Variants in ARHGEF18 observed in about 807,000 individuals in gnomAD.
ARHGEF18 encodes the protein rho guanine nucleotide exchange factor 18.
ARHGEF18 carries 93 observed loss-of-function variants against 155.7 expected under a neutral mutation model. That is an observed-to-expected ratio of 0.60 (90% confidence interval 0.50 to 0.71). The LOEUF (loss-of-function observed/expected upper bound fraction) is 0.71, where lower values mean the gene tolerates loss of function less well. Among genes scored for constraint, ARHGEF18 ranks in the 30% least tolerant of loss-of-function variants. The pLI is 0.00. For synonymous variants in ARHGEF18, 742 were observed against 753.1 expected, an observed-to-expected ratio of 0.99 and a Z score of 0.24; for missense variants, 1,593 against 1,816.1, an observed-to-expected ratio of 0.88 and a Z score of 2.23.
At chr19:7,456,458 T>C in intron 18 of ARHGEF18, 55 bp downstream of exon 18, 1 of 1,536,014 alleles carries the variant, frequency 6.5e-7, no homozygotes, top group South Asian at 1.1e-5. Flanking sequence ...GGCTCACGTC[T>C]ATAATCCCAG....
At chr19:7,394,902 C>T (rs958997148) in intron 10 of ARHGEF18, 10 of 239,060 alleles carry the variant, frequency 4.2e-5, no homozygotes, top group Non-Finnish European at 6.8e-5. Flanking sequence ...CCCGCTGACC[C>T]GCCCCTCAAA....
chr19:7,430,809 T>C (rs1226353527), intron 10 of ARHGEF18, among the ~76,000 whole-genome samples: 2 of 151,648 alleles, frequency 1.3e-5, no homozygotes, highest in Non-Finnish European at 2.9e-5. Flanking sequence ...TCTCTTCAAA[T>C]AAATAAGTAA....
chr19:7,443,421 G>A lies in ARHGEF18; in HGVS notation c.1361-783G>A, dbSNP rs151336216. Among the ~76,000 whole-genome samples the A allele has an allele frequency of 9.8e-3, 1,488 of 152,026 alleles. 24 individuals carry two copies. The highest frequency in any genetic ancestry group is 0.029 in the African/African-American group (1,193 of 41,450). On this transcript the variant is annotated intron_variant, in intron 13 of 28. Coordinates refer to ENST00000668164, the MANE Select transcript of ARHGEF18 (RefSeq NM_001367823.1). ...TCGCTGTGTTGGCTAGGCTAGTCTC[G>A]AACTCCTGACCTCATGTGATCTGCT... is the stretch of plus-strand genomic sequence containing the variant.
intron 3 of ARHGEF18, among the ~76,000 whole-genome samples, chr19:7,374,124 T>G (rs2145408307): frequency 6.6e-6 from 1 of 152,190 alleles, no homozygotes; most frequent in East Asian, 1.9e-4. Context: ...GGCAGTCATG[T>G]GAGCAATGGG....
At chr19:7,443,746 A>G (rs188492511) in intron 13 of ARHGEF18, among the ~76,000 whole-genome samples, 21 of 152,146 alleles carry the variant, frequency 1.4e-4, no homozygotes, top group Admixed American at 1.2e-3. Flanking sequence ...TCTTCCTAAA[A>G]CAGACTTGAT....
At chr19:7,378,583 T>C (rs1171178725) in intron 6 of ARHGEF18, 132 bp downstream of exon 6, 1 of 619,496 alleles carries the variant, frequency 1.6e-6, no homozygotes, top group East Asian at 3.8e-5. Flanking sequence ...ATCCCACTAG[T>C]CCCCCCATAA....
chr19:7,435,530 G>A (rs1025386222), intron 10 of ARHGEF18, among the ~76,000 whole-genome samples: 2 of 152,018 alleles, frequency 1.3e-5, no homozygotes, highest in Non-Finnish European at 2.9e-5. Flanking sequence ...ATGGGGCCCC[G>A]AGGTGATGAG....
rs1463883152 is a variant in ARHGEF18, at chr19:7,393,791, T to C, written c.967+10588T>C. On this transcript the variant is annotated intron_variant, in intron 10 of 28. Transcript: ENST00000668164. ...GTTTGAGGGTATCTGACAGCATCTG[T>C]ATTGGGGTTATCTAGTATGTGTTTG... Among the ~76,000 whole-genome samples the C allele has an allele frequency of 4.7e-5, 7 of 148,022 alleles. No homozygotes were observed. In the Admixed American group the frequency reaches 4.8e-4, roughly 10 times the overall value.
chr19:7,373,328 A>T (rs1970283123), intron 3 of ARHGEF18, among the ~76,000 whole-genome samples: 2 of 152,300 alleles, frequency 1.3e-5, no homozygotes, highest in African/African-American at 4.8e-5. Flanking sequence ...ACATAATGAA[A>T]TAATTATACA....
intron 3 of ARHGEF18, among the ~76,000 whole-genome samples, chr19:7,374,665 G>A (rs551656485): frequency 4.1e-5 from 6 of 147,068 alleles, no homozygotes; most frequent in African/African-American, 1.1e-4. Context: ...GCGACAGAGC[G>A]AGACTCTGTC....
At chr19:7,407,359 G>A (rs554648655) in intron 10 of ARHGEF18, among the ~76,000 whole-genome samples, 1 of 151,926 alleles carries the variant, frequency 6.6e-6, no homozygotes, top group Non-Finnish European at 1.5e-5. Flanking sequence ...CCAAGAGGTG[G>A]GGGTTGAAGC....
At chr19:7,427,428 C>T (rs566691559) in intron 10 of ARHGEF18, among the ~76,000 whole-genome samples, 18 of 151,694 alleles carry the variant, frequency 1.2e-4, no homozygotes, top group African/African-American at 4.1e-4. Flanking sequence ...ATTGCCTGAG[C>T]GCAGGAAGGA....
In ARHGEF18 at chr19:7,439,981, C is replaced by G. The variant is rs1164493356; in HGVS notation, c.968-363C>G. 1.9e-6 allele frequency: 3 copies of G among 1,546,126 alleles called. No individual in the cohort carries two copies. Among genetic ancestry groups the G allele is most frequent in the Non-Finnish European group, 8.7e-7 (1 of 1,144,196 alleles). On this transcript the variant is annotated intron_variant, in intron 10 of 28. Transcript: ENST00000668164. ...ACCAATATCCTGCCCTCCAGACCCGCTGCTTCAGCCAATACAGCAAGGGAA... is the reference window on the plus strand; with the variant it reads ...ACCAATATCCTGCCCTCCAGACCCGGTGCTTCAGCCAATACAGCAAGGGAA...
chr19:7,439,653 G>A lies in ARHGEF18; in HGVS notation c.968-691G>A. 5 of 1,162,214 alleles carry A rather than the reference G, an allele frequency of 4.3e-6. No homozygotes were observed. The South Asian group carries it at 8.7e-5, about 20-fold the overall frequency. 72.0% of individuals were successfully genotyped at this position (1,162,214 alleles called of 1,614,324 possible). ...GAGCCTCGCGTCCACTTCGATGCTA[G>A]AATTCTGTTCGAGTGCTGATGACCA... On this transcript the variant is annotated intron_variant, in intron 10 of 28. Coordinates refer to ENST00000668164, the MANE Select transcript of ARHGEF18 (RefSeq NM_001367823.1).
chr19:7,410,381 AAT>A (rs368691974), intron 10 of ARHGEF18, among the ~76,000 whole-genome samples: 3 of 150,318 alleles, frequency 2.0e-5, no homozygotes, highest in Non-Finnish European at 1.5e-5. Flanking sequence ...GTTGGCTTGA[AAT>A]ATATATATAT....
In ARHGEF18 at chr19:7,450,901, C is replaced by G. The variant is rs974607876; in HGVS notation, c.1738-248C>G. On this transcript the variant is annotated intron_variant, in intron 15 of 28. Transcript: ENST00000668164. ...GATGTTAATGCGGGGTCTTGCTGTA[C>G]CTTTCTGAGATGTTAATGCAGGATC... Among the ~76,000 whole-genome samples the G allele has an allele frequency of 2.4e-3, 34 of 14,230 alleles. 1 individual carries two copies. Among genetic ancestry groups the G allele is most frequent in the Non-Finnish European group, 4.7e-3 (33 of 7,024 alleles). 9.3% of individuals were successfully genotyped at this position (14,230 alleles called of 152,430 possible).
intron 10 of ARHGEF18, among the ~76,000 whole-genome samples, chr19:7,393,507 C>T (rs1043084259): frequency 6.6e-6 from 1 of 152,144 alleles, no homozygotes; most frequent in Non-Finnish European, 1.5e-5. Context: ...TCTTGCCTGG[C>T]CATGGGGAGA....
intron 10 of ARHGEF18, among the ~76,000 whole-genome samples, chr19:7,429,696 G>A (rs1008658410): frequency 6.6e-6 from 1 of 152,102 alleles, no homozygotes; most frequent in Non-Finnish European, 1.5e-5. Context: ...TCCCACAGAC[G>A]CCCCCCAAGC....
intron 10 of ARHGEF18, among the ~76,000 whole-genome samples, chr19:7,384,958 G>A (rs1173608003): frequency 6.6e-6 from 1 of 152,136 alleles, no homozygotes; most frequent in Non-Finnish European, 1.5e-5. Context: ...GCCTCCCAAA[G>A]TGCTGGAATT....
Sources: gnomAD v4.1 joint callset for allele counts (sites outside exome capture counted in the v4.1 genomes callset) on GRCh38, gnomAD v4.1.1 for gene constraint, MANE v1.5 for transcripts, NCBI Gene and HGNC (gene_info 2026-07-23, HGNC 2026-07-21) for gene names.